The following SNTG1 variants were observed in gnomAD, a reference collection of about 807,000 sequenced individuals.
SNTG1 encodes syntrophin gamma 1, also known as gamma-1-syntrophin.
A neutral mutation model predicts 74.7 loss-of-function variants in SNTG1; 39 were observed. The ratio of observed to expected loss-of-function variants is 0.52; its 90% CI spans 0.40 to 0.68. The LOEUF (loss-of-function observed/expected upper bound fraction) is 0.68. Among genes scored for constraint, SNTG1 ranks in the 30% least tolerant of loss-of-function variants. SNTG1 has a pLI of 0.00. For missense variants in SNTG1, 685 were observed against 609.5 expected, an observed-to-expected ratio of 1.12 and a Z score of -1.30; for synonymous variants, 254 against 217.1, an observed-to-expected ratio of 1.17 and a Z score of -1.49.
rs555073169 is a variant in SNTG1 at position 50,010,167 on chromosome 8, C to T, written c.-103+97936C>T. Among the ~76,000 whole-genome samples, 217 of 152,250 alleles carry T rather than the reference C, an allele frequency of 1.4e-3. 1 individual carries two copies. Among genetic ancestry groups the T allele is most frequent in the South Asian group, 5.0e-3 (24 of 4,822 alleles). On this transcript the variant is annotated intron_variant, in intron 1 of 18. Coordinates refer to ENST00000642720, the MANE Select transcript of SNTG1 (RefSeq NM_018967.5). The stretch of plus-strand genomic sequence containing the variant: ...AGGATTTTGCTCTTAGTAGTCTCCT[C>T]TAATACTAGTTTGGGATTGTGTCCA...
intron 13 of SNTG1, among the ~76,000 whole-genome samples, chr8:50,626,066 T>C (rs1413672472): frequency 2.6e-5 from 4 of 152,180 alleles, no homozygotes; most frequent in African/African-American, 9.6e-5. Context: ...CAAACCCAGG[T>C]TTGCCTGGTC....
intron 2 of SNTG1, among the ~76,000 whole-genome samples, chr8:50,261,584 G>A (rs929044182): frequency 6.6e-5 from 10 of 152,016 alleles, no homozygotes; most frequent in Non-Finnish European, 1.5e-5. Flanking sequence ...TGTACCCAGT[G>A]GATATAATTT....
intron 4 of SNTG1, among the ~76,000 whole-genome samples, chr8:50,425,945 GC>G (rs780763183): frequency 6.6e-6 from 1 of 152,202 alleles, no homozygotes; most frequent in African/African-American, 2.4e-5. Flanking sequence ...AGAGTGTCTG[GC>G]ATTCTGGAAG....
At chr8:50,355,397 A>C (rs566794234) in intron 2 of SNTG1, among the ~76,000 whole-genome samples, 1 of 152,288 alleles carries the variant, frequency 6.6e-6, no homozygotes, top group South Asian at 2.1e-4. Flanking sequence ...GAGATTTGTA[A>C]GATCTCCTAA....
chr8:50,081,376 A>G (rs1053322249), intron 1 of SNTG1, among the ~76,000 whole-genome samples: 5 of 152,172 alleles, frequency 3.3e-5, no homozygotes, highest in African/African-American at 7.2e-5. Flanking sequence ...TAGTTAGACT[A>G]CTATGTGTAG....
chr8:50,132,135 C>T (rs915968930), intron 1 of SNTG1, among the ~76,000 whole-genome samples: 4 of 152,076 alleles, frequency 2.6e-5, no homozygotes, highest in Admixed American at 6.6e-5. Context: ...GTTATTCTTG[C>T]TCAAAATTGC....
intron 2 of SNTG1, among the ~76,000 whole-genome samples, chr8:50,282,172 TGTC>T (rs1249843085): frequency 6.6e-6 from 1 of 151,990 alleles, no homozygotes; most frequent in Non-Finnish European, 1.5e-5. Flanking sequence ...GCCAGAGAAA[TGTC>T]AGCCCCAAGA....
intron 1 of SNTG1, among the ~76,000 whole-genome samples, chr8:50,076,075 A>G (rs570355674): frequency 6.7e-4 from 102 of 152,288 alleles, no homozygotes; most frequent in African/African-American, 2.3e-3. Flanking sequence ...AAAAAATCCA[A>G]TATCTGTAAA....
intron 2 of SNTG1, among the ~76,000 whole-genome samples, chr8:50,193,501 G>T (rs1025255706): frequency 6.6e-6 from 1 of 152,036 alleles, no homozygotes; most frequent in Non-Finnish European, 1.5e-5. Context: ...AAGAGCTACT[G>T]ATTTGTATAC....
At chr8:50,119,980 G>T (rs541117274) in intron 1 of SNTG1, among the ~76,000 whole-genome samples, 1 of 141,730 alleles carries the variant, frequency 7.1e-6, no homozygotes, top group Non-Finnish European at 1.6e-5. Context: ...CATCAGTTTT[G>T]TTCATGATAA....
intron 9 of SNTG1, among the ~76,000 whole-genome samples, chr8:50,517,720 T>C (rs1438624913): frequency 6.6e-6 from 1 of 151,172 alleles, no homozygotes; most frequent in Non-Finnish European, 1.5e-5. Flanking sequence ...GGGCATTATA[T>C]AATGATAAAA....
intron 13 of SNTG1, among the ~76,000 whole-genome samples, chr8:50,597,903 C>A (rs897730243): frequency 1.3e-5 from 2 of 151,782 alleles, no homozygotes; most frequent in Admixed American, 6.6e-5. Flanking sequence ...ATTTTAAAAT[C>A]CAATTACATG....
At chr8:50,105,698 G>GACATCACAAAGAAAAAAC (rs1362470146) in intron 1 of SNTG1, among the ~76,000 whole-genome samples, 2 of 151,884 alleles carry the variant, frequency 1.3e-5, no homozygotes, top group Non-Finnish European at 2.9e-5. Context: ...TGATGTCTCT[G>GACATCACAAAGAAAAAAC]ATTTCTTTCA....
Position 50,778,197 on chromosome 8 carries a change from T to C in SNTG1, c.1396-14474T>C, listed in dbSNP as rs1431696472. 9.1e-4 allele frequency among the ~76,000 whole-genome samples: 138 copies of C among 152,218 alleles called. 1 individual carries two copies. The highest frequency in any genetic ancestry group is 2.6e-4 in the Non-Finnish European group (18 of 68,032). Reference sequence around the variant, plus strand: ...TGTATTTTTATAGCAGCATGATTTATAGTCCTTTGGGTATATACCCAGTAA... The same window carrying C: ...TGTATTTTTATAGCAGCATGATTTACAGTCCTTTGGGTATATACCCAGTAA... On this transcript the variant is annotated intron_variant, in intron 18 of 18. Transcript: ENST00000642720.
intron 4 of SNTG1, among the ~76,000 whole-genome samples, chr8:50,413,536 G>T (rs1252269574): frequency 6.6e-6 from 1 of 152,168 alleles, no homozygotes; most frequent in Non-Finnish European, 1.5e-5. Context: ...GTAATCTGCT[G>T]TGTCACTCTG....
At chr8:50,131,547 C>T (rs1188336643) in intron 1 of SNTG1, among the ~76,000 whole-genome samples, 2 of 151,636 alleles carry the variant, frequency 1.3e-5, no homozygotes, top group African/African-American at 2.4e-5. Context: ...CATATGTGTA[C>T]ACACACACAC....
chr8:50,349,442 C>T (rs1346051906), intron 2 of SNTG1, among the ~76,000 whole-genome samples: 1 of 152,012 alleles, frequency 6.6e-6, no homozygotes, highest in African/African-American at 2.4e-5. Flanking sequence ...CAGAGGTATA[C>T]ATGATCTATA....
chr8:50,027,508 G>C (rs1227160063), intron 1 of SNTG1, among the ~76,000 whole-genome samples: 3 of 152,198 alleles, frequency 2.0e-5, no homozygotes. Flanking sequence ...CTATGGACCT[G>C]TGGAGACAGA....
chr8:50,651,208 G>T (rs2095143331), intron 13 of SNTG1, among the ~76,000 whole-genome samples: 1 of 150,866 alleles, frequency 6.6e-6, no homozygotes, highest in African/African-American at 2.4e-5. Flanking sequence ...ATTAGTGCCT[G>T]CATCCAATAC....
Sources: allele counts gnomAD v4.1 joint callset (sites outside exome capture counted in the v4.1 genomes callset), GRCh38; gene constraint gnomAD v4.1.1; transcripts MANE v1.5; gene names NCBI Gene and HGNC (gene_info 2026-07-23, HGNC 2026-07-21).